The following SHTN1 variants were observed in gnomAD, a reference collection of about 807,000 sequenced individuals.
SHTN1 encodes shootin-1.
SHTN1 carries 42 observed loss-of-function variants against 83.1 expected under a neutral mutation model. The observed-to-expected ratio is 0.51, with a 90% CI of 0.39 to 0.65. The LOEUF (loss-of-function observed/expected upper bound fraction) is 0.65, where lower values mean the gene tolerates loss of function less well. Among genes scored for constraint, SHTN1 ranks in the 30% least tolerant of loss-of-function variants. The pLI is 0.00. For missense variants in SHTN1, 622 were observed against 737.8 expected, an observed-to-expected ratio of 0.84 and a Z score of 1.82; for synonymous variants, 224 against 247.7, an observed-to-expected ratio of 0.90 and a Z score of 0.90.
At chr10:117,036,607 T>C (rs776114611) in intron 2 of SHTN1, among the ~76,000 whole-genome samples, 22 of 152,034 alleles carry the variant, frequency 1.4e-4, no homozygotes, top group Admixed American at 3.9e-4. Context: ...ATGGAGATAA[T>C]AGAATAGTTG....
At chr10:117,092,724 C>T (rs1220301942) in intron 1 of SHTN1, among the ~76,000 whole-genome samples, 1 of 152,136 alleles carries the variant, frequency 6.6e-6, no homozygotes, top group African/African-American at 2.4e-5. Flanking sequence ...TCTGGAGAAG[C>T]TTGGACTTAT....
intron 1 of SHTN1, among the ~76,000 whole-genome samples, chr10:117,001,101 G>A (rs1161445991): frequency 1.3e-5 from 2 of 151,190 alleles, no homozygotes; most frequent in South Asian, 2.1e-4. Flanking sequence ...AATATGCCTC[G>A]GAAATAGTAT....
chr10:116,934,012 AT>A (rs927437046), intron 9 of SHTN1, among the ~76,000 whole-genome samples: 5 of 148,694 alleles, frequency 3.4e-5, no homozygotes, highest in East Asian at 2.0e-4. Context: ...TTTTGATGAG[AT>A]TTTTTTTTCT....
At chr10:117,124,156 A>C (rs1192806430) in intron 1 of SHTN1, among the ~76,000 whole-genome samples, 1 of 150,470 alleles carries the variant, frequency 6.6e-6, no homozygotes, top group South Asian at 2.1e-4. Flanking sequence ...AGCTGCAGTG[A>C]GCCATGATCT....
intron 1 of SHTN1, among the ~76,000 whole-genome samples, chr10:117,065,818 A>G (rs1163062093): frequency 1.0e-3 from 80 of 79,234 alleles, no homozygotes; most frequent in Non-Finnish European, 1.6e-3. Flanking sequence ...GGAAGGAAGG[A>G]AGGAAGGAAG....
At chr10:116,905,846 A>G (rs1847947855) in intron 15 of SHTN1, among the ~76,000 whole-genome samples, 1 of 152,196 alleles carries the variant, frequency 6.6e-6, no homozygotes, top group Non-Finnish European at 1.5e-5. Flanking sequence ...GTTTCCGTTA[A>G]TTCCCATGAC....
At chr10:117,014,770 T>G (rs979485892) in intron 2 of SHTN1, among the ~76,000 whole-genome samples, 1 of 152,148 alleles carries the variant, frequency 6.6e-6, no homozygotes, top group African/African-American at 2.4e-5. Flanking sequence ...AAAAACTTAT[T>G]CAGTGAAAGA....
intron 4 of SHTN1, 39 bp downstream of exon 4, chr10:116,960,097 T>G: frequency 7.9e-7 from 1 of 1,263,852 alleles, no homozygotes; most frequent in South Asian, 1.2e-5. Context: ...AAGTTGAAAT[T>G]TAAAAGCTCA....
intron 2 of SHTN1, among the ~76,000 whole-genome samples, chr10:117,046,666 A>G (rs186940799): frequency 8.9e-4 from 135 of 152,360 alleles, no homozygotes; most frequent in African/African-American, 3.0e-3. Context: ...ATATATCCAT[A>G]CAGTGAAATA....
At chr10:117,094,595 T>C (rs1464771333) in intron 1 of SHTN1, among the ~76,000 whole-genome samples, 1 of 152,210 alleles carries the variant, frequency 6.6e-6, no homozygotes, top group South Asian at 2.1e-4. Flanking sequence ...GTTCTAATTA[T>C]TGCTTAACAC....
In SHTN1 at chr10:117,015,316, G is replaced by A. The variant is rs561086007; in HGVS notation, c.-123+33129C>T. On this transcript the variant is annotated intron_variant, in intron 2 of 17. Coordinates refer to the SHTN1 transcript ENST00000392901. Reference sequence around the variant, plus strand: ...TGTAGTAATTTTTTTTGTTTGTTTTGGTTTTTTGTTTTTGTTGTTGTTTGT... The same window carrying A: ...TGTAGTAATTTTTTTTGTTTGTTTTAGTTTTTTGTTTTTGTTGTTGTTTGT... Among the ~76,000 whole-genome samples the A allele has an allele frequency of 7.2e-5, 11 of 151,976 alleles. No homozygotes were observed. In the South Asian group the frequency reaches 2.3e-3, roughly 32 times the overall value.
intron 1 of SHTN1, among the ~76,000 whole-genome samples, chr10:117,091,776 A>G (rs775227008): frequency 1.3e-5 from 2 of 152,224 alleles, no homozygotes; most frequent in Non-Finnish European, 2.9e-5. Flanking sequence ...CTCATCCATC[A>G]AGACCGAAGG....
intron 1 of SHTN1, among the ~76,000 whole-genome samples, chr10:117,079,371 A>T (rs564585316): frequency 0.021 from 2,846 of 133,328 alleles, 72 homozygotes; most frequent in East Asian, 0.12. Flanking sequence ...TGAACTCATC[A>T]TTTTTTATGG....
At chr10:116,958,458 T>C (rs1850061754) in intron 4 of SHTN1, among the ~76,000 whole-genome samples, 1 of 152,236 alleles carries the variant, frequency 6.6e-6, no homozygotes, top group Non-Finnish European at 1.5e-5. Flanking sequence ...AAGGATCCTA[T>C]TATTAAGACT....
chr10:117,055,888 G>C (rs1852819465), intron 1 of SHTN1, among the ~76,000 whole-genome samples: 1 of 152,032 alleles, frequency 6.6e-6, no homozygotes, highest in South Asian at 2.1e-4. Flanking sequence ...GAAAAATAAT[G>C]GTTAAAAGGG....
chr10:117,059,525 G>A (rs1852870767), intron 1 of SHTN1, among the ~76,000 whole-genome samples: 2 of 152,112 alleles, frequency 1.3e-5, no homozygotes, highest in Non-Finnish European at 2.9e-5. Context: ...ACATACCATG[G>A]AATAATGCTC....
At chr10:117,106,014 G>A (rs1853663626) in intron 1 of SHTN1, among the ~76,000 whole-genome samples, 1 of 151,166 alleles carries the variant, frequency 6.6e-6, no homozygotes, top group African/African-American at 2.4e-5. Context: ...CCTGGCCTCA[G>A]AAACAAAATA....
At chr10:116,896,866 G>T (rs999149604) in intron 16 of SHTN1, among the ~76,000 whole-genome samples, 4 of 150,980 alleles carry the variant, frequency 2.6e-5, no homozygotes. Context: ...GAGTGCAGTG[G>T]CACAATCTGG....
At chr10:117,011,182 AG>A (rs1445900956) in intron 2 of SHTN1, among the ~76,000 whole-genome samples, 2 of 152,234 alleles carry the variant, frequency 1.3e-5, no homozygotes, top group Non-Finnish European at 2.9e-5. Context: ...TCTGTGAAAA[AG>A]CTACTAGAGC....
Sources: allele counts gnomAD v4.1 joint callset (sites outside exome capture counted in the v4.1 genomes callset), GRCh38; gene constraint gnomAD v4.1.1; transcripts MANE v1.5; gene names NCBI Gene and HGNC (gene_info 2026-07-23, HGNC 2026-07-21).